ATM: variants seen among roughly 807,000 people sequenced by gnomAD.
ATM encodes the protein ATM serine/threonine kinase.
In ATM, 308 loss-of-function variants were observed where a neutral mutation model predicts 387.0. The ratio of observed to expected loss-of-function variants is 0.80; its 90% CI spans 0.73 to 0.87. ATM has a LOEUF of 0.87. Ranked by LOEUF, ATM falls within the 40% of genes least tolerant of loss-of-function variation. The pLI is 0.00. For synonymous variants in ATM, 1,156 were observed against 1,187.3 expected (o/e 0.97, Z 0.54); for missense variants, 3,312 against 3,560.9 (o/e 0.93, Z 1.78).
At chr11:108,340,945 T>C (rs985455711) in intron 56 of ATM, among the ~76,000 whole-genome samples, 4 of 152,342 alleles carry the variant, frequency 2.6e-5, no homozygotes, top group Non-Finnish European at 4.4e-5. Context: ...GAGGTTTTTT[T>C]GGTGAATATT....
At position 108,368,950 on chromosome 11, in the gene ATM, G is replaced by GAAAT. The variant is rs878931713; in HGVS notation, c.*3444_*3447dup. ...AAAAAGAAAGCCAGTATATTGGTTT[G>GAAAT]AAATATAGAGATGTGTCCCAATTTC... On this transcript the variant is annotated 3_prime_UTR_variant, in exon 63 of 63. Coordinates refer to ENST00000675843, the MANE Select transcript of ATM (RefSeq NM_000051.4). 4 of 190,608 alleles carry GAAAT rather than the reference G, an allele frequency of 2.1e-5. No homozygotes were observed. In the South Asian group the frequency reaches 7.8e-4, roughly 37 times the overall value. 11.8% of individuals were successfully genotyped at this position (190,608 alleles called of 1,614,324 possible). A position where few individuals can be genotyped will look rare whatever the true frequency, so the allele number is the denominator to read the frequency against.
At chr11:108,241,069 T>C (rs927193516) in intron 5 of ATM, among the ~76,000 whole-genome samples, 23 of 152,282 alleles carry the variant, frequency 1.5e-4, no homozygotes, top group African/African-American at 4.6e-4. Context: ...CTTTAAACTT[T>C]TTTGTTGAAA....
intron 4 of ATM, 53 bp downstream of exon 4, chr11:108,229,376 G>T (rs756535279): frequency 6.2e-6 from 8 of 1,292,016 alleles, no homozygotes; most frequent in Non-Finnish European, 6.3e-6. Flanking sequence ...ACTGTCGCGT[G>T]AGTTTTTTTT....
At chr11:108,238,610 A>G (rs1400933846) in intron 5 of ATM, among the ~76,000 whole-genome samples, 1 of 152,174 alleles carries the variant, frequency 6.6e-6, no homozygotes, top group Non-Finnish European at 1.5e-5. Flanking sequence ...TAATTTTTGT[A>G]TAGTGACCTT....
At chr11:108,279,645 G>A (rs200168792) in intron 23 of ATM, 37 bp downstream of exon 23, 8 of 1,448,786 alleles carry the variant, frequency 5.5e-6, no homozygotes, top group Non-Finnish European at 6.8e-6. Flanking sequence ...GTTATCATAT[G>A]CTTGCTATGA....
intron 4 of ATM, among the ~76,000 whole-genome samples, chr11:108,234,083 C>T (rs1669290154): frequency 6.6e-6 from 1 of 152,090 alleles, no homozygotes; most frequent in South Asian, 2.1e-4. Flanking sequence ...AGGATCTAAT[C>T]ATACAATGGA....
At position 108,289,765 on chromosome 11, in the gene ATM, A is replaced by G. The variant is rs730881392; in HGVS notation, c.4400A>G (p.Asp1467Gly). The change falls in exon 29 of 63, where the codon GAC becomes GGC. Residue 1467 changes from aspartate to glycine, a missense_variant. Asp to Gly is a moderately conservative substitution (Grantham distance 94). This residue lies in a region of ATM where 1,791 missense variants were observed against 1,804.5 expected (regional missense o/e 0.99). Transcript: ENST00000675843. The stretch of plus-strand genomic sequence containing the variant: ...GGAGCTTGGGCCTTTGTTCTTCGAG[A>G]CGTTATTTATACTTTGATTCACTAT... Reference protein sequence around the residue: ...LGGAWAFVLRDVIYTLIHYIN... With the variant: ...LGGAWAFVLRGVIYTLIHYIN... The G allele has an allele frequency of 1.9e-6, 3 of 1,613,502 alleles. No individual in the cohort carries two copies. The highest frequency in any genetic ancestry group is 8.5e-7 in the Non-Finnish European group (1 of 1,179,950).
At position 108,315,369 on chromosome 11, in the gene ATM, G is replaced by T. The variant is rs143448793; in HGVS notation, c.6007-454G>T. 2.0e-3 allele frequency among the ~76,000 whole-genome samples: 305 copies of T among 152,252 alleles called. 1 individual carries two copies. The highest frequency in any genetic ancestry group is 6.9e-3 in the African/African-American group (286 of 41,544). ...ATAATGCTGTGTACAGTGTGTGTGT[G>T]TAAGTTTTGATAAATTTTAACTCTT... is the stretch of plus-strand genomic sequence containing the variant. On this transcript the variant is annotated intron_variant, in intron 40 of 62. Transcript: ENST00000675843.
chr11:108,297,449 A>G (rs1215317797), intron 33 of ATM, 67 bp downstream of exon 33: 21 of 1,277,472 alleles, frequency 1.6e-5, no homozygotes, highest in Non-Finnish European at 1.9e-5. Context: ...ACAGATTATA[A>G]TACTGTATTT....
At chr11:108,354,643 A>G (rs952893200) in intron 60 of ATM, among the ~76,000 whole-genome samples, 168 bp from the exon 61 acceptor site, 2 of 152,250 alleles carry the variant, frequency 1.3e-5, no homozygotes, top group South Asian at 2.1e-4. Flanking sequence ...ATTCATTTCA[A>G]ACGTCTAATG....
At chr11:108,332,114 G>T (rs751634023) in intron 52 of ATM, 77 bp downstream of exon 52, 3 of 1,554,520 alleles carry the variant, frequency 1.9e-6, no homozygotes, top group Admixed American at 1.8e-5. Context: ...TTAAAATCTT[G>T]TGTTATTAAG....
intron 4 of ATM, among the ~76,000 whole-genome samples, chr11:108,233,327 T>A (rs1666631114): frequency 6.6e-6 from 1 of 152,132 alleles, no homozygotes; most frequent in Admixed American, 6.5e-5. Context: ...CCTAGTACTT[T>A]GTGAGGCCAA....
intron 24 of ATM, among the ~76,000 whole-genome samples, chr11:108,282,435 C>A (rs1450959451): frequency 6.6e-6 from 1 of 152,138 alleles, no homozygotes; most frequent in African/African-American, 2.4e-5. Context: ...AGTAATTTTA[C>A]ATTAAATCTT....
chr11:108,264,341 A>G (rs2081086469), intron 16 of ATM, among the ~76,000 whole-genome samples: 1 of 152,232 alleles, frequency 6.6e-6, no homozygotes, highest in Admixed American at 6.5e-5. Context: ...ACAAATCAAT[A>G]AATGTAATCC....
At chr11:108,331,183 T>G in intron 50 of ATM, 1 of 1,154,122 alleles carries the variant, frequency 8.7e-7, no homozygotes, top group Non-Finnish European at 1.1e-6. Context: ...TTTTGGAATA[T>G]AAACAGTACC....
intron 55 of ATM, 175 bp downstream of exon 55, chr11:108,335,284 T>C (rs1409163156): frequency 5.3e-6 from 8 of 1,517,042 alleles, no homozygotes; most frequent in Admixed American, 4.0e-5. Context: ...CTCCATTTTT[T>C]TTGTGTCTCT....
chr11:108,289,590 TTTA>T lies in ATM; in HGVS notation c.4237-9_4237-7del, dbSNP rs1555097355. 1 of 1,595,400 alleles carries T rather than the reference TTTA, an allele frequency of 6.3e-7. No homozygotes were observed. Among genetic ancestry groups the T allele is most frequent in the Non-Finnish European group, 8.5e-7 (1 of 1,170,566 alleles). On this transcript the variant is annotated splice_polypyrimidine_tract_variant and intron_variant, in intron 28 of 62. Coordinates refer to ENST00000675843, the MANE Select transcript of ATM (RefSeq NM_000051.4). Reference sequence around the variant, plus strand: ...ATTAAACAAGTTTTTACTAAATCTGTTTATTTTCTAGGATTCCTATCAGAAAAT... The same window carrying T: ...ATTAAACAAGTTTTTACTAAATCTGTTTTTCTAGGATTCCTATCAGAAAAT...
At chr11:108,275,115 A>G (rs2081866536) in intron 22 of ATM, among the ~76,000 whole-genome samples, 1 of 152,226 alleles carries the variant, frequency 6.6e-6, no homozygotes, top group African/African-American at 2.4e-5. Context: ...TTATACCATC[A>G]TGTAATGTCC....
In ATM at chr11:108,274,008, T is replaced by G. The variant is rs184201244; in HGVS notation, c.3284+1156T>G. On this transcript the variant is annotated intron_variant, in intron 22 of 62. Coordinates refer to ENST00000675843, the MANE Select transcript of ATM (RefSeq NM_000051.4). ...CTGTGAATCCCTCTGGTCCTGGGCTTTTTTTGGTTGGTAGGCTATTAATTA... is the reference window on the plus strand; with the variant it reads ...CTGTGAATCCCTCTGGTCCTGGGCTGTTTTTGGTTGGTAGGCTATTAATTA... Among the ~76,000 whole-genome samples the G allele has an allele frequency of 9.2e-3, 1,397 of 152,290 alleles. 23 individuals are homozygous for G. The highest frequency in any genetic ancestry group is 0.031 in the African/African-American group (1,298 of 41,554).
Sources: allele counts gnomAD v4.1 joint callset (sites outside exome capture counted in the v4.1 genomes callset), GRCh38; gene constraint gnomAD v4.1.1; regional missense constraint gnomAD v4.1.1; transcripts MANE v1.5; gene names NCBI Gene and HGNC (gene_info 2026-07-23, HGNC 2026-07-21).